Variants in LRRC7 observed in about 807,000 individuals in gnomAD.
LRRC7 encodes the protein leucine-rich repeat-containing protein 7.
A neutral mutation model predicts 175.7 loss-of-function variants in LRRC7; 23 were observed. The observed-to-expected ratio is 0.13, with a 90% CI of 0.09 to 0.19. The LOEUF is 0.19. LRRC7 is among the 10% of genes least tolerant of loss of function. The pLI is 1.00. For synonymous variants in LRRC7, 685 were observed against 680.9 expected, an observed-to-expected ratio of 1.01 and a Z score of -0.09; for missense variants, 1,354 against 1,904.7, an observed-to-expected ratio of 0.71 and a Z score of 5.38.
At chr1:69,823,363 C>A (rs1051723016) in intron 4 of LRRC7, among the ~76,000 whole-genome samples, 4 of 152,162 alleles carry the variant, frequency 2.6e-5, no homozygotes, top group Admixed American at 1.3e-4. Flanking sequence ...GACTTCTTCA[C>A]ATTTATCTTT....
intron 7 of LRRC7, among the ~76,000 whole-genome samples, chr1:69,839,950 G>A (rs148435843): frequency 6.6e-6 from 1 of 151,878 alleles, no homozygotes; most frequent in Non-Finnish European, 1.5e-5. Flanking sequence ...TGAGATTGTG[G>A]CCCAGTATTA....
chr1:70,097,404 A>G (rs1176347549), intron 25 of LRRC7, among the ~76,000 whole-genome samples: 4 of 152,218 alleles, frequency 2.6e-5, no homozygotes, highest in African/African-American at 9.6e-5. Context: ...TTTTCACTTC[A>G]AAAACCTTAT....
chr1:69,628,387 C>T (rs757330161), intron 1 of LRRC7, among the ~76,000 whole-genome samples: 60 of 152,044 alleles, frequency 3.9e-4, no homozygotes, highest in Non-Finnish European at 7.1e-4. Context: ...TATTAGCATT[C>T]CCCCAATGGA....
intron 2 of LRRC7, among the ~76,000 whole-genome samples, chr1:69,696,681 C>T (rs373429242): frequency 7.9e-5 from 12 of 152,204 alleles, no homozygotes; most frequent in Non-Finnish European, 1.6e-4. Context: ...GCAGATTCCT[C>T]ATGAGGCTTG....
rs536374191 is a variant in LRRC7, at chr1:70,088,315, G to C, written c.4453-1412G>C. ...CTAACACCTGTGATTCCAGTGCTTTGGGAGGCCAAGGTGGGAGAATCACTT... is the reference window on the plus strand; with the variant it reads ...CTAACACCTGTGATTCCAGTGCTTTCGGAGGCCAAGGTGGGAGAATCACTT... On this transcript the variant is annotated intron_variant, in intron 24 of 26. Transcript: ENST00000651989. Among the ~76,000 whole-genome samples the C allele has an allele frequency of 2.6e-5, 4 of 152,230 alleles. No homozygotes were observed. In the South Asian group the frequency reaches 6.2e-4, roughly 24 times the overall value.
At chr1:69,899,432 A>G (rs930682662) in intron 7 of LRRC7, among the ~76,000 whole-genome samples, 1 of 152,204 alleles carries the variant, frequency 6.6e-6, no homozygotes, top group African/African-American at 2.4e-5. Context: ...GATGCCAGGG[A>G]GCCAATAAAA....
At chr1:70,114,606 CA>C in intron 26 of LRRC7, among the ~76,000 whole-genome samples, 1 of 152,220 alleles carries the variant, frequency 6.6e-6, no homozygotes, top group East Asian at 1.9e-4. Context: ...GAGGATCCTT[CA>C]AGCCCAGGAG....
chr1:69,762,818 C>T (rs1671180150), intron 3 of LRRC7, among the ~76,000 whole-genome samples: 1 of 151,946 alleles, frequency 6.6e-6, no homozygotes, highest in Non-Finnish European at 1.5e-5. Flanking sequence ...ACACCAAAGA[C>T]TTAATATATT....
chr1:69,651,415 C>G (rs796217574), intron 1 of LRRC7, among the ~76,000 whole-genome samples: 16 of 152,212 alleles, frequency 1.1e-4, no homozygotes, highest in African/African-American at 3.9e-4. Flanking sequence ...TCTGCCAATT[C>G]AAAGAGTTTT....
chr1:70,008,692 A>T (rs2101944440), intron 11 of LRRC7, among the ~76,000 whole-genome samples: 1 of 152,278 alleles, frequency 6.6e-6, no homozygotes, highest in East Asian at 1.9e-4. Flanking sequence ...AATCTCCAAG[A>T]GAATTAGGGT....
chr1:69,590,588 G>A (rs1245048), intron 1 of LRRC7, among the ~76,000 whole-genome samples: 56,870 of 151,970 alleles, frequency 0.37, 12,128 homozygotes, highest in African/African-American at 0.57. Flanking sequence ...CTACCATGAC[G>A]AGTGAAACAC....
Position 70,130,940 on chromosome 1 carries a change from G to A in LRRC7, c.*9053G>A, listed in dbSNP as rs1266819931. 6.6e-6 allele frequency among the ~76,000 whole-genome samples: 1 copy of A among 152,178 alleles called. No homozygotes were observed. Among genetic ancestry groups the A allele is most frequent in the Non-Finnish European group, 1.5e-5 (1 of 68,016 alleles). On this transcript the variant is annotated 3_prime_UTR_variant, in exon 27 of 27. Coordinates refer to ENST00000651989, the MANE Select transcript of LRRC7 (RefSeq NM_001370785.2). ...TAGATAAAAGAATAGTCTGTCTACA[G>A]GCTGTTGGCCACAGTTGAGCATGAC... is the stretch of plus-strand genomic sequence containing the variant.
At chr1:69,763,392 G>C (rs891516856) in intron 3 of LRRC7, among the ~76,000 whole-genome samples, 18 of 152,080 alleles carry the variant, frequency 1.2e-4, no homozygotes, top group African/African-American at 4.3e-4. Flanking sequence ...GACAAAATAT[G>C]TCTCCCCTAA....
chr1:69,673,720 T>C (rs1659414804), intron 1 of LRRC7, among the ~76,000 whole-genome samples: 1 of 152,214 alleles, frequency 6.6e-6, no homozygotes, highest in Admixed American at 6.5e-5. Context: ...ATTAACTTCA[T>C]TTTAAGTATG....
intron 1 of LRRC7, among the ~76,000 whole-genome samples, chr1:69,573,046 T>C (rs919782117): frequency 1.3e-5 from 2 of 152,182 alleles, no homozygotes; most frequent in Admixed American, 6.6e-5. Flanking sequence ...TCCCCTACCA[T>C]AGTACCTGAA....
chr1:69,839,246 A>C (rs1259286567), intron 7 of LRRC7, among the ~76,000 whole-genome samples: 1 of 152,100 alleles, frequency 6.6e-6, no homozygotes, highest in Non-Finnish European at 1.5e-5. Context: ...TAAAATTGTC[A>C]TTGCAATATA....
intron 6 of LRRC7, 126 bp downstream of exon 6, chr1:69,834,995 A>G (rs977177496): frequency 2.5e-5 from 16 of 642,024 alleles, no homozygotes; most frequent in Non-Finnish European, 3.8e-5. Flanking sequence ...TTATTCAATA[A>G]ATGAAACGCT....
chr1:69,682,932 C>T (rs1660680526), intron 2 of LRRC7, among the ~76,000 whole-genome samples: 1 of 152,082 alleles, frequency 6.6e-6, no homozygotes, highest in Admixed American at 6.6e-5. Context: ...AATATACTTC[C>T]TCTACAAACA....
intron 8 of LRRC7, among the ~76,000 whole-genome samples, chr1:69,933,528 G>T (rs1051630062): frequency 1.3e-5 from 2 of 151,828 alleles, no homozygotes; most frequent in East Asian, 1.9e-4. Flanking sequence ...AACATGGAGG[G>T]TACCTTTGGG....
Sources: gnomAD v4.1 joint callset for allele counts (sites outside exome capture counted in the v4.1 genomes callset) on GRCh38, gnomAD v4.1.1 for gene constraint, MANE v1.5 for transcripts, NCBI Gene and HGNC (gene_info 2026-07-23, HGNC 2026-07-21) for gene names.